The following ELAVL2 variants were observed in gnomAD, a reference collection of about 807,000 sequenced individuals.
The protein encoded by ELAVL2 is ELAV like RNA binding protein 2.
A neutral mutation model predicts 34.6 loss-of-function variants in ELAVL2; 4 were observed. That is an observed-to-expected ratio of 0.12 (90% CI 0.06 to 0.26). ELAVL2 has a LOEUF of 0.26. Ranked by LOEUF, ELAVL2 falls within the 10% of genes least tolerant of loss-of-function variation. The pLI is 1.00. For missense variants in ELAVL2, 432 were observed against 442.8 expected (o/e 0.98, Z 0.22); for synonymous variants, 193 against 154.8 (o/e 1.25, Z -1.83).
At chr9:23,742,604 T>C (rs554223802) in intron 2 of ELAVL2, among the ~76,000 whole-genome samples, 27 of 152,310 alleles carry the variant, frequency 1.8e-4, no homozygotes, top group African/African-American at 5.3e-4. Context: ...TAGACCGATA[T>C]GTACAACCCT....
At chr9:23,703,328 T>A (rs536237436) in intron 4 of ELAVL2, among the ~76,000 whole-genome samples, 4 of 152,326 alleles carry the variant, frequency 2.6e-5, no homozygotes, top group African/African-American at 9.6e-5. Context: ...TTTGAACAAA[T>A]TCATCTTTAT....
intron 1 of ELAVL2, among the ~76,000 whole-genome samples, chr9:23,791,206 A>C (rs1236055652): frequency 6.6e-6 from 1 of 152,230 alleles, no homozygotes; most frequent in African/African-American, 2.4e-5. Context: ...GGTAAATGGA[A>C]AAGAAATCTC....
At chr9:23,773,403 T>TA (rs1436347399) in intron 1 of ELAVL2, among the ~76,000 whole-genome samples, 3 of 152,140 alleles carry the variant, frequency 2.0e-5, no homozygotes, top group African/African-American at 7.2e-5. Context: ...AGCTTCCTCT[T>TA]ACTCCTACTT....
rs117373818 is a variant in ELAVL2, at chr9:23,764,687, A to G, written c.-15-2438T>C. Among the ~76,000 whole-genome samples the G allele has an allele frequency of 9.4e-3, 1,430 of 152,266 alleles. 12 individuals are homozygous for G. Among genetic ancestry groups the G allele is most frequent in the East Asian group, 0.057 (293 of 5,178 alleles). On this transcript the variant is annotated intron_variant, in intron 1 of 6. Coordinates refer to ENST00000397312, the MANE Select transcript of ELAVL2 (RefSeq NM_004432.5). ...AATACATAGTAAACAGAATGTATAG[A>G]ATTACGGTAACTTAGTATTCAGACC...
chr9:23,722,553 C>T (rs1298530064), intron 3 of ELAVL2, among the ~76,000 whole-genome samples: 1 of 152,174 alleles, frequency 6.6e-6, no homozygotes, highest in Non-Finnish European at 1.5e-5. Context: ...AGTCTCAAGA[C>T]AAAGACACTC....
intron 1 of ELAVL2, among the ~76,000 whole-genome samples, chr9:23,784,531 A>G (rs1267608191): frequency 1.3e-5 from 2 of 152,346 alleles, no homozygotes; most frequent in East Asian, 1.9e-4. Flanking sequence ...TGAATAAGAC[A>G]TAATTTGTAC....
intron 1 of ELAVL2, among the ~76,000 whole-genome samples, chr9:23,807,934 A>C (rs994076393): frequency 6.6e-6 from 1 of 152,200 alleles, no homozygotes; most frequent in Non-Finnish European, 1.5e-5. Context: ...CATAGCTTTC[A>C]GAGTAAAAGT....
intron 1 of ELAVL2, among the ~76,000 whole-genome samples, chr9:23,802,057 G>C (rs2061629836): frequency 1.3e-5 from 2 of 152,128 alleles, no homozygotes; most frequent in South Asian, 4.1e-4. Context: ...TTCCACAATT[G>C]AAGAAAGAGG....
At chr9:23,809,441 T>C (rs535136076) in intron 1 of ELAVL2, among the ~76,000 whole-genome samples, 1 of 152,180 alleles carries the variant, frequency 6.6e-6, no homozygotes, top group South Asian at 2.1e-4. Flanking sequence ...TTAAGTAAAC[T>C]TAAGAGACTC....
At chr9:23,807,855 A>T (rs1322094932) in intron 1 of ELAVL2, among the ~76,000 whole-genome samples, 1 of 152,224 alleles carries the variant, frequency 6.6e-6, no homozygotes, top group African/African-American at 2.4e-5. Context: ...ACACATTTTC[A>T]AAGCCATGGG....
chr9:23,763,803 T>G (rs74547432), intron 1 of ELAVL2, among the ~76,000 whole-genome samples: 1 of 152,146 alleles, frequency 6.6e-6, no homozygotes, highest in Non-Finnish European at 1.5e-5. Context: ...AGAATAGCTT[T>G]TGAAATATCC....
chr9:23,787,478 C>T (rs568226992), intron 1 of ELAVL2, among the ~76,000 whole-genome samples: 168 of 151,816 alleles, frequency 1.1e-3, no homozygotes, highest in Non-Finnish European at 1.9e-3. Flanking sequence ...GTGATCCAAC[C>T]GCCTCAGCCT....
chr9:23,701,638 G>C lies in ELAVL2; in HGVS notation c.488-34C>G, dbSNP rs779788707. ...GATTTGAGTAAAGATTTGGAAAAGA[G>C]GGAACAGAAGGAGAAGGGAAGGAGA... On this transcript the variant is annotated intron_variant, in intron 4 of 6. Transcript: ENST00000397312. 3 of 1,600,590 alleles carry C rather than the reference G, an allele frequency of 1.9e-6. No homozygotes were observed. In the South Asian group the frequency reaches 3.3e-5, roughly 18 times the overall value.
intron 1 of ELAVL2, among the ~76,000 whole-genome samples, chr9:23,775,921 G>C (rs2058110139): frequency 6.6e-6 from 1 of 152,182 alleles, no homozygotes; most frequent in Non-Finnish European, 1.5e-5. Flanking sequence ...AGTTGGACCA[G>C]ATAACTCTGT....
chr9:23,772,272 A>G (rs937837997), intron 1 of ELAVL2, among the ~76,000 whole-genome samples: 1 of 152,140 alleles, frequency 6.6e-6, no homozygotes, highest in Non-Finnish European at 1.5e-5. Flanking sequence ...GGTTAAAAAC[A>G]TAGCTCCTCT....
intron 1 of ELAVL2, among the ~76,000 whole-genome samples, chr9:23,802,313 G>A (rs868008914): frequency 6.6e-6 from 1 of 152,102 alleles, no homozygotes; most frequent in Non-Finnish European, 1.5e-5. Context: ...GTGCTACAAG[G>A]GACTTCCAAA....
chr9:23,714,865 G>A (rs1214212502), intron 3 of ELAVL2, among the ~76,000 whole-genome samples: 4 of 151,832 alleles, frequency 2.6e-5, no homozygotes, highest in African/African-American at 9.7e-5. Flanking sequence ...TTTCACTTTA[G>A]ACATTTTCAT....
chr9:23,795,436 G>A (rs906374974), intron 1 of ELAVL2, among the ~76,000 whole-genome samples: 1 of 152,104 alleles, frequency 6.6e-6, no homozygotes, highest in Non-Finnish European at 1.5e-5. Flanking sequence ...CCAGCTACTC[G>A]CGAGGCTGTG....
chr9:23,809,031 A>T (rs1346610626), intron 1 of ELAVL2, among the ~76,000 whole-genome samples: 1 of 152,202 alleles, frequency 6.6e-6, no homozygotes, highest in Non-Finnish European at 1.5e-5. Flanking sequence ...ACTATGTCCT[A>T]TAAAATGTGA....
Sources: gnomAD v4.1 joint callset for allele counts (sites outside exome capture counted in the v4.1 genomes callset) on GRCh38, gnomAD v4.1.1 for gene constraint, MANE v1.5 for transcripts, NCBI Gene and HGNC (gene_info 2026-07-23, HGNC 2026-07-21) for gene names.